The following DAB1 variants were observed in gnomAD, a reference collection of about 807,000 sequenced individuals.
DAB1 encodes disabled homolog 1.
In DAB1, 15 loss-of-function variants were observed where a neutral mutation model predicts 64.6. The ratio of observed to expected loss-of-function variants is 0.23; its 90% confidence interval spans 0.16 to 0.36. The LOEUF (loss-of-function observed/expected upper bound fraction) is 0.36. Ranked by LOEUF, DAB1 falls within the 10% of genes least tolerant of loss-of-function variation. The pLI is 1.00. For synonymous variants in DAB1, 235 were observed against 251.9 expected (o/e 0.93, Z 0.64); for missense variants, 596 against 706.7 (o/e 0.84, Z 1.78).
chr1:58,311,467 A>C (rs1343734357), intron 4 of DAB1, among the ~76,000 whole-genome samples: 2 of 152,168 alleles, frequency 1.3e-5, no homozygotes, highest in Admixed American at 6.5e-5. Flanking sequence ...TGTGCTAAGA[A>C]CTTTCCACAC....
At chr1:57,598,929 C>G (rs1277776438) in intron 7 of DAB1, among the ~76,000 whole-genome samples, 1 of 152,124 alleles carries the variant, frequency 6.6e-6, no homozygotes, top group Non-Finnish European at 1.5e-5. Context: ...TCAGATTCCC[C>G]CTTCCAGGTT....
At chr1:58,294,261 ATT>A (rs1431456833) in intron 4 of DAB1, among the ~76,000 whole-genome samples, 1 of 152,178 alleles carries the variant, frequency 6.6e-6, no homozygotes, top group Non-Finnish European at 1.5e-5. Context: ...GCCTGAGGGA[ATT>A]TGAATTTTTG....
intron 4 of DAB1, among the ~76,000 whole-genome samples, chr1:58,281,660 T>C (rs916367072): frequency 6.6e-6 from 1 of 152,206 alleles, no homozygotes; most frequent in Non-Finnish European, 1.5e-5. Context: ...AAACTCTTTA[T>C]GAATGGCAAG....
chr1:57,955,119 T>C (rs1645361675), intron 5 of DAB1, among the ~76,000 whole-genome samples: 1 of 152,156 alleles, frequency 6.6e-6, no homozygotes. Context: ...TATTCTTCAT[T>C]CTCTCTACTT....
At chr1:58,246,825 T>C (rs543709428) in intron 4 of DAB1, among the ~76,000 whole-genome samples, 1 of 152,148 alleles carries the variant, frequency 6.6e-6, no homozygotes, top group East Asian at 1.9e-4. Context: ...TGTCAGGGTG[T>C]GTGTGACTCT....
chr1:57,685,339 G>A (rs1047735857), intron 6 of DAB1, among the ~76,000 whole-genome samples: 2 of 151,556 alleles, frequency 1.3e-5, no homozygotes, highest in African/African-American at 4.9e-5. Flanking sequence ...ATGATAAAGG[G>A]TACAATTTAA....
At chr1:57,522,516 G>A (rs2793634) in intron 7 of DAB1, among the ~76,000 whole-genome samples, 108,690 of 152,078 alleles carry the variant, frequency 0.71, 39,006 homozygotes, top group East Asian at 0.82. Context: ...TATAAAGAAA[G>A]AGGGGTTTAA....
At chr1:57,435,381 A>G (rs1685659119) in intron 7 of DAB1, among the ~76,000 whole-genome samples, 1 of 152,176 alleles carries the variant, frequency 6.6e-6, no homozygotes. Context: ...ACATTAATTT[A>G]GCTTACTGTA....
At chr1:57,696,785 CTA>C (rs1646850601) in intron 6 of DAB1, among the ~76,000 whole-genome samples, 1 of 152,166 alleles carries the variant, frequency 6.6e-6, no homozygotes, top group African/African-American at 2.4e-5. Flanking sequence ...TTCATGCCAC[CTA>C]TCTGACATGC....
At chr1:57,185,870 A>T (rs67730723) in intron 2 of DAB1, among the ~76,000 whole-genome samples, 1 of 152,082 alleles carries the variant, frequency 6.6e-6, no homozygotes, top group African/African-American at 2.4e-5. Flanking sequence ...GTGTGCCACA[A>T]TGCCGGAACA....
At chr1:57,356,683 T>C (rs186550662) in intron 1 of DAB1, among the ~76,000 whole-genome samples, 1 of 152,196 alleles carries the variant, frequency 6.6e-6, no homozygotes, top group Non-Finnish European at 1.5e-5. Flanking sequence ...TATAATGTGC[T>C]TTTCAAACGA....
intron 6 of DAB1, among the ~76,000 whole-genome samples, chr1:57,657,647 C>T (rs2101663943): frequency 6.6e-6 from 1 of 152,288 alleles, no homozygotes; most frequent in South Asian, 2.1e-4. Flanking sequence ...GTTAGTTTGA[C>T]ATCTAGATGA....
At chr1:58,158,719 G>A (rs545205958) in intron 4 of DAB1, among the ~76,000 whole-genome samples, 31 of 152,304 alleles carry the variant, frequency 2.0e-4, no homozygotes, top group African/African-American at 4.3e-4. Context: ...ATCATACCCC[G>A]GAAGGAGGAG....
At chr1:57,244,428 A>G (rs185185221) in intron 2 of DAB1, among the ~76,000 whole-genome samples, 265 of 152,386 alleles carry the variant, frequency 1.7e-3, no homozygotes, top group African/African-American at 6.3e-3. Context: ...TGATTGAGTA[A>G]TGAGTCTTTA....
chr1:57,272,973 G>A (rs1671133274), intron 2 of DAB1, among the ~76,000 whole-genome samples: 1 of 152,164 alleles, frequency 6.6e-6, no homozygotes, highest in Non-Finnish European at 1.5e-5. Context: ...GCTGCTTTCT[G>A]TTCCCCCCCA....
chr1:58,031,941 A>G (rs1177149527), intron 5 of DAB1, among the ~76,000 whole-genome samples: 1 of 151,612 alleles, frequency 6.6e-6, no homozygotes, highest in East Asian at 1.9e-4. Context: ...TAAAAAAAAA[A>G]ATCTTCCCTT....
At chr1:58,003,263 T>A (rs1440433376) in intron 5 of DAB1, among the ~76,000 whole-genome samples, 1 of 152,162 alleles carries the variant, frequency 6.6e-6, no homozygotes, top group Non-Finnish European at 1.5e-5. Context: ...GAGTGTATTG[T>A]GCTCCTCTCC....
At chr1:58,048,575 C>T (rs1647402624) in intron 5 of DAB1, 4 of 1,014,084 alleles carry the variant, frequency 3.9e-6, no homozygotes, top group Admixed American at 1.7e-5. Context: ...ACCATCCCCA[C>T]TGCCACCATA....
intron 1 of DAB1, among the ~76,000 whole-genome samples, chr1:57,420,616 T>C (rs1461156130): frequency 6.6e-6 from 1 of 152,222 alleles, no homozygotes; most frequent in Non-Finnish European, 1.5e-5. Context: ...CCAAATGCCA[T>C]CCACTTTCTT....
Sources: gnomAD v4.1 joint callset for allele counts (sites outside exome capture counted in the v4.1 genomes callset) on GRCh38, gnomAD v4.1.1 for gene constraint, MANE v1.5 for transcripts, NCBI Gene and HGNC (gene_info 2026-07-23, HGNC 2026-07-21) for gene names.